Variants in PDZD2 observed in about 807,000 individuals in gnomAD.
The protein encoded by PDZD2 is PDZ domain-containing protein 2.
PDZD2 carries 90 observed loss-of-function variants against 220.7 expected under a neutral mutation model. The ratio of observed to expected loss-of-function variants is 0.41; its 90% CI spans 0.34 to 0.49. The LOEUF (loss-of-function observed/expected upper bound fraction) is 0.49, where lower values mean the gene tolerates loss of function less well. Ranked by LOEUF, PDZD2 falls within the 20% of genes least tolerant of loss-of-function variation. PDZD2 has a pLI of 0.28. For synonymous variants in PDZD2, 1,375 were observed against 1,450.5 expected (o/e 0.95, Z 1.18); for missense variants, 3,174 against 3,608.5 (o/e 0.88, Z 3.08).
intron 1 of PDZD2, among the ~76,000 whole-genome samples, chr5:31,709,736 A>G (rs539291711): frequency 8.5e-5 from 13 of 152,280 alleles, no homozygotes; most frequent in Admixed American, 2.0e-4. Flanking sequence ...CAGGTGTGTC[A>G]TCTGAGGCCA....
At chr5:32,004,102 AAGGT>A (rs1752621007) in intron 5 of PDZD2, among the ~76,000 whole-genome samples, 1 of 141,906 alleles carries the variant, frequency 7.0e-6, no homozygotes, top group Non-Finnish European at 1.6e-5. Flanking sequence ...AAAAAAAAAA[AAGGT>A]GGGGGGGCCA....
chr5:31,730,914 G>T (rs755695215), intron 1 of PDZD2, among the ~76,000 whole-genome samples: 1 of 152,100 alleles, frequency 6.6e-6, no homozygotes, highest in Non-Finnish European at 1.5e-5. Flanking sequence ...TGATTTTGAG[G>T]CCTTTAAATA....
intron 2 of PDZD2, among the ~76,000 whole-genome samples, chr5:31,800,127 A>G (rs570860331): frequency 6.6e-6 from 1 of 152,354 alleles, no homozygotes; most frequent in East Asian, 1.9e-4. Context: ...CAGGTGAATC[A>G]GGGAACAAGA....
rs770042047 is a variant in PDZD2, at chr5:31,995,619, C to T, written c.1022C>T (p.Ser341Leu). The stretch of plus-strand genomic sequence containing the variant: ...TGGAAGATGGAGCTGCTCAAAGAAT[C>T]GGATGGGCTGGGAATTCAGGTTAGT... ...RIWKMELLKE[S>L]DGLGIQVSGG... Residue 341 changes from serine (S) to leucine (L), a missense_variant, in exon 4 of 25, where the codon TCG becomes TTG. Transcript: ENST00000438447. 4.2e-5 allele frequency: 67 copies of T among 1,613,960 alleles called. 1 individual carries two copies. The highest frequency in any genetic ancestry group is 5.1e-5 in the Non-Finnish European group (60 of 1,179,962).
intron 2 of PDZD2, among the ~76,000 whole-genome samples, chr5:31,817,490 CTCAGAAAAAAAAAAAGTAGCACCCATT>C (rs1477380616): frequency 6.6e-6 from 1 of 151,218 alleles, no homozygotes; most frequent in African/African-American, 2.4e-5. Flanking sequence ...AAGACTCCAT[CTCAGAAAAAAAAAAAGTAGCACCCATT>C]TGTTATGAAA....
intron 1 of PDZD2, among the ~76,000 whole-genome samples, chr5:31,733,024 C>A (rs527845944): frequency 6.6e-6 from 1 of 152,246 alleles, no homozygotes; most frequent in South Asian, 2.1e-4. Flanking sequence ...CCACCGCGCC[C>A]GGCCGGGAGC....
chr5:31,647,386 T>G (rs1745175556), intron 1 of PDZD2, among the ~76,000 whole-genome samples: 1 of 152,154 alleles, frequency 6.6e-6, no homozygotes, highest in Non-Finnish European at 1.5e-5. Flanking sequence ...AAACTTGTTG[T>G]CTTAAAACAA....
Position 32,088,611 on chromosome 5 carries a change from G to A in PDZD2, c.5163G>A (p.Pro1721=), listed in dbSNP as rs756888384. ...AAGTAGCCAGGCATTTTCACAGTCC[G>A]CCCATCATTCTCAGCTCCCCCAACA... The part of the protein sequence containing the change: ...LSKVARHFHS[P]PIILSSPNMV... Residue 1721 remains proline, a synonymous_variant, in exon 20 of 25, where the codon CCG becomes CCA. Transcript: ENST00000438447. This position sits in a 1 kb window ranked among gnomAD's most constrained non-coding sequence, Gnocchi z 4.6. The A allele has an allele frequency of 2.1e-5, 34 of 1,613,982 alleles. No homozygotes were observed. The highest frequency in any genetic ancestry group is 5.3e-5 in the African/African-American group (4 of 74,920).
intron 2 of PDZD2, among the ~76,000 whole-genome samples, chr5:31,862,955 C>T (rs1174948414): frequency 6.6e-6 from 1 of 152,206 alleles, no homozygotes; most frequent in African/African-American, 2.4e-5. Flanking sequence ...TCTCAAACTC[C>T]TGAGCTTGTG....
chr5:32,003,489 ACAC>A lies in PDZD2; in HGVS notation c.1254+3222_1254+3224del, dbSNP rs1200452189. 3.7e-4 allele frequency among the ~76,000 whole-genome samples: 44 copies of A among 117,552 alleles called. 1 individual carries two copies. The highest frequency in any genetic ancestry group is 1.4e-3 in the African/African-American group (39 of 28,786). The allele number at this position is 117,552 out of a possible 152,430, so 77.1% of individuals were successfully genotyped here. On this transcript the variant is annotated intron_variant, in intron 5 of 24. Transcript: ENST00000438447. ...ACCCCCCCCACACCACACTACACAC[ACAC>A]CACATCATAAACAAACACCACACAT...
chr5:31,801,099 C>A (rs1357606265), intron 2 of PDZD2, among the ~76,000 whole-genome samples: 1 of 152,172 alleles, frequency 6.6e-6, no homozygotes, highest in African/African-American at 2.4e-5. Context: ...GGAGGGTCAA[C>A]AAGCAGTCAT....
At chr5:31,655,467 G>C (rs934856037) in intron 1 of PDZD2, among the ~76,000 whole-genome samples, 2 of 152,042 alleles carry the variant, frequency 1.3e-5, no homozygotes, top group Non-Finnish European at 2.9e-5. Flanking sequence ...CACTGCGCCC[G>C]GCCTAGTTTT....
intron 1 of PDZD2, among the ~76,000 whole-genome samples, chr5:31,705,191 CACACACACACACACACACAT>C (rs1041700348): frequency 1.2e-4 from 8 of 68,832 alleles, no homozygotes; most frequent in Admixed American, 3.3e-4. Context: ...CACACACACA[CACACACACACACACACACAT>C]ACACACTCAC....
intron 6 of PDZD2, among the ~76,000 whole-genome samples, chr5:32,014,615 C>T (rs1230974822): frequency 6.6e-6 from 1 of 150,986 alleles, no homozygotes; most frequent in Non-Finnish European, 1.5e-5. Flanking sequence ...CAAAGTCTAG[C>T]CCTTCCCCCA....
intron 2 of PDZD2, among the ~76,000 whole-genome samples, chr5:31,914,908 A>G (rs530260091): frequency 5.8e-4 from 89 of 152,304 alleles, no homozygotes; most frequent in African/African-American, 2.1e-3. Context: ...GTAGCATGAA[A>G]TATTTACAGT....
intron 14 of PDZD2, among the ~76,000 whole-genome samples, chr5:32,067,855 T>C (rs1740351830): frequency 6.6e-6 from 1 of 152,146 alleles, no homozygotes; most frequent in Non-Finnish European, 1.5e-5. Context: ...ATAGAAAACT[T>C]ATAGAAGCAC....
chr5:32,102,285 C>A (rs901276785), intron 24 of PDZD2, among the ~76,000 whole-genome samples: 2 of 151,944 alleles, frequency 1.3e-5, no homozygotes, highest in Non-Finnish European at 2.9e-5. Flanking sequence ...AGCAGGGGCG[C>A]TGCAGACTCA....
intron 2 of PDZD2, among the ~76,000 whole-genome samples, chr5:31,932,338 C>G (rs1745367852): frequency 6.6e-6 from 1 of 152,142 alleles, no homozygotes; most frequent in African/African-American, 2.4e-5. Flanking sequence ...CACCTGAGGT[C>G]AGGAGTTCGA....
intron 1 of PDZD2, among the ~76,000 whole-genome samples, chr5:31,680,901 T>A (rs1014910464): frequency 3.3e-5 from 5 of 152,170 alleles, no homozygotes; most frequent in African/African-American, 9.7e-5. Context: ...GCCGCAGATC[T>A]AGCTTGTGCT....
Sources: allele counts gnomAD v4.1 joint callset (sites outside exome capture counted in the v4.1 genomes callset), GRCh38; gene constraint gnomAD v4.1.1; non-coding constraint Gnocchi (gnomAD v3.1); transcripts MANE v1.5; gene names NCBI Gene and HGNC (gene_info 2026-07-23, HGNC 2026-07-21).